Variants in CTNND2 observed in about 807,000 individuals in gnomAD.
The protein encoded by CTNND2 is catenin delta 2.
A neutral mutation model predicts 144.4 loss-of-function variants in CTNND2; 22 were observed. The ratio of observed to expected loss-of-function variants is 0.15; its 90% CI spans 0.11 to 0.22. The LOEUF (loss-of-function observed/expected upper bound fraction) is 0.22. Among genes scored for constraint, CTNND2 ranks in the 10% least tolerant of loss-of-function variants. The pLI is 1.00. For missense variants in CTNND2, 1,353 were observed against 1,618.8 expected, an observed-to-expected ratio of 0.84 and a Z score of 2.82; for synonymous variants, 751 against 695.6, an observed-to-expected ratio of 1.08 and a Z score of -1.25.
At chr5:11,461,254 A>G (rs367961057) in intron 3 of CTNND2, among the ~76,000 whole-genome samples, 1 of 152,078 alleles carries the variant, frequency 6.6e-6, no homozygotes, top group Non-Finnish European at 1.5e-5. Flanking sequence ...AAAAACATAG[A>G]TAAGTAAGGC....
intron 6 of CTNND2, among the ~76,000 whole-genome samples, chr5:11,386,993 A>T (rs1276361727): frequency 6.6e-6 from 1 of 152,170 alleles, no homozygotes; most frequent in Admixed American, 6.5e-5. Flanking sequence ...TGAGCATGAA[A>T]CATGTATTAA....
At chr5:11,655,618 T>G (rs1782871505) in intron 2 of CTNND2, among the ~76,000 whole-genome samples, 1 of 152,136 alleles carries the variant, frequency 6.6e-6, no homozygotes, top group Non-Finnish European at 1.5e-5. Flanking sequence ...GTCCATACAT[T>G]GTTCAGCTCA....
Position 11,816,163 on chromosome 5 carries a change from T to G in CTNND2, c.38-83891A>C, listed in dbSNP as rs374058915. ...TGGAGAAACCTACAAACACATGCAGTGTGGAGCAGCCACCACGCCCAGGGC... is the reference window on the plus strand; with the variant it reads ...TGGAGAAACCTACAAACACATGCAGGGTGGAGCAGCCACCACGCCCAGGGC... On this transcript the variant is annotated intron_variant, in intron 1 of 21. Transcript: ENST00000304623. 3.3e-5 allele frequency among the ~76,000 whole-genome samples: 5 copies of G among 152,298 alleles called. No individual in the cohort carries two copies. In the East Asian group the frequency reaches 5.8e-4, roughly 18 times the overall value.
At chr5:11,234,934 C>T (rs1167605815) in intron 10 of CTNND2, among the ~76,000 whole-genome samples, 21 of 152,204 alleles carry the variant, frequency 1.4e-4, no homozygotes, top group Admixed American at 1.4e-3. Context: ...GAACCCACTT[C>T]CCACAACCAT....
intron 13 of CTNND2, among the ~76,000 whole-genome samples, chr5:11,115,095 C>T (rs2149691054): frequency 6.6e-6 from 1 of 152,314 alleles, no homozygotes; most frequent in East Asian, 1.9e-4. Flanking sequence ...CAGCTCAGGG[C>T]TCTTCTTACT....
chr5:11,395,581 T>C (rs569462824), intron 6 of CTNND2, among the ~76,000 whole-genome samples: 1 of 152,244 alleles, frequency 6.6e-6, no homozygotes, highest in Non-Finnish European at 1.5e-5. Context: ...TAACCCTTTC[T>C]GATTAAACTT....
At chr5:11,879,341 G>GTGTATATATATATATATATA in intron 1 of CTNND2, among the ~76,000 whole-genome samples, 8 of 109,376 alleles carry the variant, frequency 7.3e-5, no homozygotes, top group South Asian at 3.3e-4. Flanking sequence ...TTAAATGTGT[G>GTGTATATATATATATATATA]TATATATATA....
intron 11 of CTNND2, among the ~76,000 whole-genome samples, chr5:11,179,152 C>T (rs927578186): frequency 6.6e-6 from 1 of 151,382 alleles, no homozygotes; most frequent in African/African-American, 2.4e-5. Context: ...ATTAGTCCAG[C>T]GTGGTGGCAG....
chr5:11,438,922 C>T (rs1028044440), intron 3 of CTNND2, among the ~76,000 whole-genome samples: 4 of 152,036 alleles, frequency 2.6e-5, no homozygotes, highest in South Asian at 4.2e-4. Context: ...GTCAACATAG[C>T]GATTAAAAAG....
chr5:11,384,808 G>A lies in CTNND2; in HGVS notation c.1034C>T (p.Pro345Leu). ...GATGGTGGAGCTCAGCTGGTGGATG[G>A]GCGAGGAGGAGATGGTGGACTGCAC... ...PTVQSTISSS[P>L]IHQLSSTIGT... is the part of the protein sequence containing the mutation. Residue 345 changes from proline to leucine, a missense_variant, in exon 7 of 22, where the codon CCC becomes CTC. Physicochemically the swap from Pro to Leu is moderately conservative, Grantham distance 98 (BLOSUM62 -3). This residue lies in a region of CTNND2 where 708 missense variants were observed against 706.4 expected (regional missense o/e 1.00). Coordinates refer to ENST00000304623, the MANE Select transcript of CTNND2 (RefSeq NM_001332.4). The surrounding 1 kb of genome is among the most constrained non-coding windows in gnomAD (Gnocchi z 5.2). 6.2e-7 allele frequency: 1 copy of A among 1,613,356 alleles called. No individual in the cohort carries two copies. The highest frequency in any genetic ancestry group is 1.7e-5 in the Admixed American group (1 of 59,952).
At chr5:11,526,646 T>C (rs1361258233) in intron 3 of CTNND2, among the ~76,000 whole-genome samples, 3 of 152,294 alleles carry the variant, frequency 2.0e-5, no homozygotes, top group South Asian at 4.1e-4. Context: ...ATCCTCAGAA[T>C]ACCCCTGTGT....
At chr5:11,221,987 T>C (rs1739840837) in intron 10 of CTNND2, among the ~76,000 whole-genome samples, 1 of 152,212 alleles carries the variant, frequency 6.6e-6, no homozygotes, top group South Asian at 2.1e-4. Context: ...GGTACAGGTC[T>C]TCTTCTCTAA....
chr5:11,081,167 A>G (rs545095460), intron 16 of CTNND2, among the ~76,000 whole-genome samples: 7 of 152,206 alleles, frequency 4.6e-5, no homozygotes, highest in Non-Finnish European at 1.0e-4. Context: ...GTTATGAGAG[A>G]CTGAAGGTAA....
chr5:11,823,660 T>G (rs987614773), intron 1 of CTNND2, among the ~76,000 whole-genome samples: 6 of 152,186 alleles, frequency 3.9e-5, no homozygotes, highest in African/African-American at 9.7e-5. Context: ...ATTAGTAAAT[T>G]TAAGGGAAAG....
chr5:11,530,116 A>C (rs76164659), intron 3 of CTNND2, among the ~76,000 whole-genome samples: 1 of 150,274 alleles, frequency 6.7e-6, no homozygotes, highest in African/African-American at 2.5e-5. Context: ...TTTTAACTCC[A>C]TAAGTGCTCA....
chr5:11,110,462 T>G (rs888503778), intron 14 of CTNND2, among the ~76,000 whole-genome samples: 3 of 152,182 alleles, frequency 2.0e-5, no homozygotes, highest in Non-Finnish European at 4.4e-5. Context: ...GGCCTCCCTC[T>G]GTCTCTCTCT....
In CTNND2 at chr5:11,885,154, G is replaced by A. The variant is rs138869680; in HGVS notation, c.37+18663C>T. Among the ~76,000 whole-genome samples the A allele has an allele frequency of 1.6e-4, 24 of 152,120 alleles. No individual in the cohort carries two copies. In the East Asian group the frequency reaches 4.6e-3, roughly 29 times the overall value. On this transcript the variant is annotated intron_variant, in intron 1 of 21. Coordinates refer to ENST00000304623, the MANE Select transcript of CTNND2 (RefSeq NM_001332.4). ...GTTGCTGTTTCCTTGTCTGGTTTTG[G>A]TATCCAAGTAATGCTGACTTCATAG...
chr5:11,548,705 G>C (rs12651704), intron 3 of CTNND2, among the ~76,000 whole-genome samples: 1 of 152,094 alleles, frequency 6.6e-6, no homozygotes, highest in East Asian at 1.9e-4. Flanking sequence ...TAAATCTTCC[G>C]TGTAAAGTGA....
chr5:11,032,606 C>T (rs1460453432), intron 16 of CTNND2, among the ~76,000 whole-genome samples: 1 of 152,104 alleles, frequency 6.6e-6, no homozygotes, highest in Non-Finnish European at 1.5e-5. Context: ...GATCTCTGAC[C>T]TCTGGAAACA....
Sources: allele counts gnomAD v4.1 joint callset (sites outside exome capture counted in the v4.1 genomes callset), GRCh38; gene constraint gnomAD v4.1.1; regional missense constraint gnomAD v4.1.1; non-coding constraint Gnocchi (gnomAD v3.1); transcripts MANE v1.5; gene names NCBI Gene and HGNC (gene_info 2026-07-23, HGNC 2026-07-21).